Variants in RBFOX1 observed in about 807,000 individuals in gnomAD.
RBFOX1 encodes the protein RNA binding protein fox-1 homolog 1.
A neutral mutation model predicts 57.7 loss-of-function variants in RBFOX1; 8 were observed. That is an observed-to-expected ratio of 0.14 (90% CI 0.08 to 0.25). The LOEUF is 0.25. RBFOX1 is among the 10% of genes least tolerant of loss of function. The probability of loss-of-function intolerance (pLI) is 1.00; values close to 1 mark genes in which losing one functional copy is unlikely to be tolerated. For missense variants in RBFOX1, 611 were observed against 548.5 expected (o/e 1.11, Z -1.14); for synonymous variants, 326 against 222.4 (o/e 1.47, Z -4.15).
chr16:6,725,344 C>T (rs1315979710), intron 3 of RBFOX1, among the ~76,000 whole-genome samples: 3 of 152,086 alleles, frequency 2.0e-5, no homozygotes, highest in Non-Finnish European at 4.4e-5. Flanking sequence ...AGCCACCGCG[C>T]CCGGCCGGTT....
At chr16:6,536,243 T>G (rs2096733667) in intron 2 of RBFOX1, among the ~76,000 whole-genome samples, 1 of 152,216 alleles carries the variant, frequency 6.6e-6, no homozygotes, top group Non-Finnish European at 1.5e-5. Context: ...GGACTTCAGA[T>G]AAATCTCTAG....
chr16:5,512,931 T>C (rs988073685), intron 2 of RBFOX1, among the ~76,000 whole-genome samples: 2 of 152,176 alleles, frequency 1.3e-5, no homozygotes, highest in Non-Finnish European at 2.9e-5. Context: ...TTCCTTGTTT[T>C]TTGAGACAGG....
At chr16:7,297,921 T>G (rs1257297585) in intron 4 of RBFOX1, among the ~76,000 whole-genome samples, 1 of 152,162 alleles carries the variant, frequency 6.6e-6, no homozygotes, top group African/African-American at 2.4e-5. Context: ...CATGACTGCA[T>G]GTATGCCTAT....
intron 1 of RBFOX1, among the ~76,000 whole-genome samples, chr16:6,107,353 G>A (rs2096393696): frequency 6.6e-6 from 1 of 151,954 alleles, no homozygotes; most frequent in African/African-American, 2.4e-5. Flanking sequence ...ATTAATAGGT[G>A]TTGCTTCTTT....
Position 5,368,323 on chromosome 16 carries a change from G to T in RBFOX1, c.220-98893G>T, listed in dbSNP as rs547076098. Among the ~76,000 whole-genome samples, 6 of 152,268 alleles carry T rather than the reference G, an allele frequency of 3.9e-5. No individual in the cohort carries two copies. The East Asian group carries it at 1.2e-3, about 29-fold the overall frequency. On this transcript the variant is annotated intron_variant, in intron 1 of 2. Transcript: ENST00000585867. ...GTTCCTGTACAATGAAAACCTCCCA[G>T]TTCTTTTTCCTGGGCTACTGCAATA... is the stretch of plus-strand genomic sequence containing the variant.
chr16:7,063,340 C>G (rs1199107514), intron 4 of RBFOX1, among the ~76,000 whole-genome samples: 2 of 152,094 alleles, frequency 1.3e-5, no homozygotes, highest in African/African-American at 4.8e-5. Context: ...GATAAAGGAT[C>G]TGTATCAGTA....
intron 2 of RBFOX1, among the ~76,000 whole-genome samples, chr16:5,543,245 G>T (rs9927285): frequency 0.31 from 46,885 of 151,966 alleles, 8,593 homozygotes; most frequent in East Asian, 0.85. Context: ...GTAGAAACAT[G>T]TATCAGTTGG....
At chr16:6,838,333 C>T (rs200385987) in intron 3 of RBFOX1, among the ~76,000 whole-genome samples, 2 of 152,204 alleles carry the variant, frequency 1.3e-5, no homozygotes, top group East Asian at 3.9e-4. Flanking sequence ...CCAGCTTCAC[C>T]CATGTCCCTG....
chr16:7,675,782 C>G (rs2073098146), intron 13 of RBFOX1, among the ~76,000 whole-genome samples: 1 of 152,196 alleles, frequency 6.6e-6, no homozygotes, highest in Non-Finnish European at 1.5e-5. Flanking sequence ...GGTGAGGACA[C>G]TTACCTCAGA....
At chr16:7,370,992 C>G (rs1189195508) in intron 4 of RBFOX1, among the ~76,000 whole-genome samples, 1 of 152,132 alleles carries the variant, frequency 6.6e-6, no homozygotes, top group Non-Finnish European at 1.5e-5. Context: ...GTAGCATCAG[C>G]AGGACAGGTA....
At chr16:6,198,894 G>GTT (rs896239741) in intron 1 of RBFOX1, among the ~76,000 whole-genome samples, 1 of 150,660 alleles carries the variant, frequency 6.6e-6, no homozygotes, top group African/African-American at 2.4e-5. Context: ...CTCTAAACAG[G>GTT]TTTTTTTTTC....
Position 7,037,228 on chromosome 16 carries a change from CTTTTTTTTTTTT to C in RBFOX1, c.-15-14812_-15-14801del, listed in dbSNP as rs889539532. Among the ~76,000 whole-genome samples the C allele has an allele frequency of 8.1e-4, 65 of 80,556 alleles. No homozygotes were observed. The East Asian group carries it at 0.024, about 29-fold the overall frequency. 52.8% of individuals were successfully genotyped at this position (80,556 alleles called of 152,430 possible). ...AATGCAGCCCAGTAGGTCTTAGCCT[CTTTTTTTTTTTT>C]TTTTTTTTTTTTTTTTGAGATGGAG... is the stretch of plus-strand genomic sequence containing the variant. On this transcript the variant is annotated intron_variant, in intron 3 of 15. Coordinates refer to ENST00000550418, the MANE Select transcript of RBFOX1 (RefSeq NM_018723.4).
At chr16:5,853,296 A>G (rs1347631574) in intron 3 of RBFOX1, among the ~76,000 whole-genome samples, 1 of 152,140 alleles carries the variant, frequency 6.6e-6, no homozygotes, top group East Asian at 1.9e-4. Flanking sequence ...GAGAACGGCC[A>G]GGGGAAATTA....
At chr16:6,822,113 G>C (rs2091413291) in intron 3 of RBFOX1, among the ~76,000 whole-genome samples, 1 of 152,142 alleles carries the variant, frequency 6.6e-6, no homozygotes, top group Non-Finnish European at 1.5e-5. Flanking sequence ...TACTGGGGGA[G>C]ACAGACTGAG....
chr16:5,487,399 G>A (rs1020971283), intron 2 of RBFOX1, among the ~76,000 whole-genome samples: 1 of 152,208 alleles, frequency 6.6e-6, no homozygotes, highest in African/African-American at 2.4e-5. Flanking sequence ...CAAAGATGAT[G>A]TGAGAGTTTC....
At chr16:6,717,851 G>A (rs1297852476) in intron 3 of RBFOX1, among the ~76,000 whole-genome samples, 1 of 152,118 alleles carries the variant, frequency 6.6e-6, no homozygotes, top group African/African-American at 2.4e-5. Context: ...TGTTTCGTGG[G>A]ATACCCCCTG....
chr16:6,158,040 A>G (rs987801047), intron 1 of RBFOX1, among the ~76,000 whole-genome samples: 6 of 152,222 alleles, frequency 3.9e-5, no homozygotes, highest in Non-Finnish European at 5.9e-5. Flanking sequence ...ATAATGATAC[A>G]GCAAATCATA....
At chr16:5,508,967 G>C (rs982426957) in intron 2 of RBFOX1, among the ~76,000 whole-genome samples, 1 of 152,188 alleles carries the variant, frequency 6.6e-6, no homozygotes, top group Non-Finnish European at 1.5e-5. Context: ...ATCTCAAGCA[G>C]TGGATGTACT....
At chr16:6,833,364 AC>A (rs57739227) in intron 3 of RBFOX1, among the ~76,000 whole-genome samples, 34,816 of 151,744 alleles carry the variant, frequency 0.23, 5,346 homozygotes, top group East Asian at 0.6. Context: ...ACAGGGTTTC[AC>A]CATGTTGGTT....
Sources: gnomAD v4.1 joint callset for allele counts (sites outside exome capture counted in the v4.1 genomes callset) on GRCh38, gnomAD v4.1.1 for gene constraint, MANE v1.5 for transcripts, NCBI Gene and HGNC (gene_info 2026-07-23, HGNC 2026-07-21) for gene names.